The following TMTC1 variants were observed in gnomAD, a reference collection of about 807,000 sequenced individuals.
TMTC1 encodes the protein protein O-mannosyl-transferase TMTC1.
A neutral mutation model predicts 104.8 loss-of-function variants in TMTC1; 73 were observed. That is an observed-to-expected ratio of 0.70 (90% confidence interval 0.58 to 0.85). The LOEUF (loss-of-function observed/expected upper bound fraction) is 0.85, where lower values mean the gene tolerates loss of function less well. Among genes scored for constraint, TMTC1 ranks in the 40% least tolerant of loss-of-function variants. The probability of loss-of-function intolerance (pLI) is 0.00; values close to 1 mark genes in which losing one functional copy is unlikely to be tolerated. For synonymous variants in TMTC1, 434 were observed against 428.7 expected (o/e 1.01, Z -0.15); for missense variants, 1,035 against 1,096.1 (o/e 0.94, Z 0.79).
chr12:29,717,241 T>G (rs914119845), intron 5 of TMTC1, among the ~76,000 whole-genome samples: 1 of 152,170 alleles, frequency 6.6e-6, no homozygotes, highest in African/African-American at 2.4e-5. Flanking sequence ...ACGAAAAATT[T>G]TAGGTGCCAA....
At chr12:29,543,478 C>T (rs1349014820) in intron 10 of TMTC1, among the ~76,000 whole-genome samples, 1 of 152,154 alleles carries the variant, frequency 6.6e-6, no homozygotes, top group Admixed American at 6.5e-5. Flanking sequence ...TTTGGCGACC[C>T]TCTTGGTGGC....
chr12:29,765,342 A>G (rs562929936), intron 2 of TMTC1, among the ~76,000 whole-genome samples: 2 of 152,190 alleles, frequency 1.3e-5, no homozygotes, highest in Non-Finnish European at 2.9e-5. Flanking sequence ...TTTGAACACT[A>G]CAGCAACTTG....
chr12:29,639,725 C>T (rs1938741337), intron 5 of TMTC1, among the ~76,000 whole-genome samples: 2 of 152,198 alleles, frequency 1.3e-5, no homozygotes, highest in African/African-American at 2.4e-5. Context: ...CTGGAGACAA[C>T]TCACATATCC....
intron 5 of TMTC1, among the ~76,000 whole-genome samples, chr12:29,702,350 G>GGA (rs1418494920): frequency 6.6e-6 from 1 of 152,094 alleles, no homozygotes; most frequent in East Asian, 1.9e-4. Context: ...AACTTGTCGG[G>GGA]CTCAGATGGG....
At chr12:29,536,705 G>T (rs1944654875) in intron 10 of TMTC1, among the ~76,000 whole-genome samples, 1 of 152,132 alleles carries the variant, frequency 6.6e-6, no homozygotes, top group African/African-American at 2.4e-5. Flanking sequence ...AGATATTTGG[G>T]TCCCTGTAGT....
chr12:29,745,202 G>T (rs968662668), intron 5 of TMTC1, among the ~76,000 whole-genome samples: 1 of 152,064 alleles, frequency 6.6e-6, no homozygotes, highest in African/African-American at 2.4e-5. Flanking sequence ...TCTATAGGAG[G>T]TCATTTGCCT....
chr12:29,721,452 C>G (rs1214806912), intron 5 of TMTC1, among the ~76,000 whole-genome samples: 3 of 152,072 alleles, frequency 2.0e-5, no homozygotes, highest in Non-Finnish European at 1.5e-5. Flanking sequence ...ACAATAAACT[C>G]TAATACAAAG....
chr12:29,716,362 C>T (rs1023915249), intron 5 of TMTC1, among the ~76,000 whole-genome samples: 5 of 152,082 alleles, frequency 3.3e-5, no homozygotes, highest in South Asian at 2.1e-4. Context: ...GATAAGGCAA[C>T]GAAAAGTCTA....
chr12:29,514,732 T>C (rs529284634), intron 15 of TMTC1, 128 bp from the exon 16 acceptor site: 10 of 1,066,736 alleles, frequency 9.4e-6, no homozygotes, highest in Non-Finnish European at 1.3e-5. Flanking sequence ...CAAAGTACAA[T>C]TCTTGGTCAG....
intron 5 of TMTC1, among the ~76,000 whole-genome samples, chr12:29,676,653 T>C (rs1418752465): frequency 6.6e-6 from 1 of 152,222 alleles, no homozygotes; most frequent in Non-Finnish European, 1.5e-5. Context: ...AGCGATGCAC[T>C]GGGCACAGTC....
intron 5 of TMTC1, among the ~76,000 whole-genome samples, chr12:29,673,215 T>C (rs973883675): frequency 9.4e-5 from 14 of 148,908 alleles, no homozygotes; most frequent in African/African-American, 3.5e-4. Flanking sequence ...GTCAATTTGG[T>C]TTTATTTTCA....
At chr12:29,636,155 C>T (rs1220501723) in intron 5 of TMTC1, among the ~76,000 whole-genome samples, 1 of 151,772 alleles carries the variant, frequency 6.6e-6, no homozygotes, top group Non-Finnish European at 1.5e-5. Context: ...AAATAATTGA[C>T]GAAGAGGAAG....
rs568792635 is a variant in TMTC1 at position 29,622,599 on chromosome 12, G to A, written c.1128+10548C>T. Among the ~76,000 whole-genome samples, 3 of 152,222 alleles carry A rather than the reference G, an allele frequency of 2.0e-5. No individual in the cohort carries two copies. In the South Asian group the frequency reaches 6.2e-4, roughly 32 times the overall value. On this transcript the variant is annotated intron_variant, in intron 6 of 17. Coordinates refer to ENST00000539277, the MANE Select transcript of TMTC1 (RefSeq NM_001193451.2). ...AAAGAATGGAATATTCAGCCTTTGT[G>A]GCTTAAATATCCTTTAACTGTACAT...
intron 7 of TMTC1, among the ~76,000 whole-genome samples, chr12:29,601,304 C>CCGTAATTTGTAACCGTA (rs1049798238): frequency 1.3e-5 from 2 of 152,334 alleles, no homozygotes; most frequent in African/African-American, 4.8e-5. Context: ...GCTTCCGTAA[C>CCGTAATTTGTAACCGTA]ATTTACCTAA....
In TMTC1 at chr12:29,604,243, A is replaced by C; in HGVS notation, c.1185T>G (p.Ile395Met). Residue 395 changes from isoleucine to methionine, a missense_variant, in exon 7 of 18, where the codon ATT becomes ATG. Coordinates refer to ENST00000539277, the MANE Select transcript of TMTC1 (RefSeq NM_001193451.2). ...VGLLFLVFPF[I>M]PASNLFFRVG... is the part of the protein sequence containing the mutation. ...CCCTGAAGAAGAGGTTGCTGGCTGG[A>C]ATGAACGGGAACACCAGGAACAACA... 6.2e-7 allele frequency: 1 copy of C among 1,614,008 alleles called. No individual in the cohort carries two copies. The highest frequency in any genetic ancestry group is 8.5e-7 in the Non-Finnish European group (1 of 1,179,918).
intron 7 of TMTC1, among the ~76,000 whole-genome samples, chr12:29,602,072 G>A (rs920092028): frequency 6.6e-6 from 1 of 151,926 alleles, no homozygotes. Context: ...CTGACCTCGT[G>A]ATCTGCCCGC....
At chr12:29,679,650 A>AAGAC (rs71444336) in intron 5 of TMTC1, among the ~76,000 whole-genome samples, 44,320 of 151,736 alleles carry the variant, frequency 0.29, 6,536 homozygotes, top group South Asian at 0.34. Context: ...TCATTTATCT[A>AAGAC]AGTAGGAGGC....
At chr12:29,677,807 C>T (rs1229205643) in intron 5 of TMTC1, among the ~76,000 whole-genome samples, 1 of 152,188 alleles carries the variant, frequency 6.6e-6, no homozygotes, top group African/African-American at 2.4e-5. Flanking sequence ...CTCAAGGAAC[C>T]CTTATTTTAC....
rs1434119500 is a variant in TMTC1 at position 29,513,082 on chromosome 12, A to G, written c.2431-962T>C. Among the ~76,000 whole-genome samples, 4 of 152,224 alleles carry G rather than the reference A, an allele frequency of 2.6e-5. No individual in the cohort carries two copies. The East Asian group carries it at 7.7e-4, about 29-fold the overall frequency. Reference sequence around the variant, plus strand: ...AAGGGTGTGTCTCTTGGATTAATTTATATCAGTGAAGATGGGAATGTAGTG... The same window carrying G: ...AAGGGTGTGTCTCTTGGATTAATTTGTATCAGTGAAGATGGGAATGTAGTG... On this transcript the variant is annotated intron_variant, in intron 16 of 17. Coordinates refer to ENST00000539277, the MANE Select transcript of TMTC1 (RefSeq NM_001193451.2).
Sources: gnomAD v4.1 joint callset for allele counts (sites outside exome capture counted in the v4.1 genomes callset) on GRCh38, gnomAD v4.1.1 for gene constraint, MANE v1.5 for transcripts, NCBI Gene and HGNC (gene_info 2026-07-23, HGNC 2026-07-21) for gene names.